The following MDN1 variants were observed in gnomAD, a reference collection of about 807,000 sequenced individuals.
MDN1 encodes midasin AAA ATPase 1, also known as midasin.
In MDN1, 266 loss-of-function variants were observed where a neutral mutation model predicts 669.2. The ratio of observed to expected loss-of-function variants is 0.40; its 90% CI spans 0.36 to 0.44. The LOEUF is 0.44. Ranked by LOEUF, MDN1 falls within the 20% of genes least tolerant of loss-of-function variation. The pLI is 1.00. For synonymous variants in MDN1, 2,385 were observed against 2,457.1 expected, an observed-to-expected ratio of 0.97 and a Z score of 0.87; for missense variants, 5,940 against 6,754.0, an observed-to-expected ratio of 0.88 and a Z score of 4.22.
intron 79 of MDN1, 140 bp from the exon 80 acceptor site, chr6:89,673,602 T>C (rs1810982617): frequency 1.4e-6 from 1 of 704,950 alleles, no homozygotes; most frequent in Non-Finnish European, 2.4e-6. Context: ...TGCCACAAAG[T>C]GCTGTGCAGG....
At chr6:89,782,409 A>G (rs932832480) in intron 9 of MDN1, among the ~76,000 whole-genome samples, 1 of 151,978 alleles carries the variant, frequency 6.6e-6, no homozygotes, top group Non-Finnish European at 1.5e-5. Flanking sequence ...AAGCCTGGGC[A>G]ACACGGTGAA....
In MDN1 at chr6:89,745,580, A is replaced by C; in HGVS notation, c.3951T>G (p.Asp1317Glu). 1 of 1,614,174 alleles carries C rather than the reference A, an allele frequency of 6.2e-7. No homozygotes were observed. The highest frequency in any genetic ancestry group is 8.5e-7 in the Non-Finnish European group (1 of 1,180,030). ...GTTTCTCAAGGACTTCTTGAATCAC[A>C]TCAATTTCCTCCTGCTTCCTGACTC... ...AGRVRKQEEI[D>E]VIQEVLEKHF... The change falls in exon 28 of 102, where the codon GAT (aspartate) becomes GAG (glutamate). Residue 1317 changes from aspartate (D) to glutamate (E), a missense_variant. Physicochemically the swap from Asp to Glu is conservative, Grantham distance 45. Coordinates refer to ENST00000369393, the MANE Select transcript of MDN1 (RefSeq NM_014611.3).
At chr6:89,675,603 C>A in intron 77 of MDN1, 24 bp from the exon 78 acceptor site, 1 of 1,594,918 alleles carries the variant, frequency 6.3e-7, no homozygotes, top group Non-Finnish European at 8.6e-7. Context: ...GAAAAACATG[C>A]TGAAGGGGCT....
chr6:89,764,890 G>T (rs985456564), intron 15 of MDN1, among the ~76,000 whole-genome samples: 1 of 152,192 alleles, frequency 6.6e-6, no homozygotes, highest in Non-Finnish European at 1.5e-5. Flanking sequence ...GGACTGAGAA[G>T]TTCAGTGGAG....
chr6:89,693,281 T>G (rs569863227), intron 62 of MDN1, 133 bp from the exon 63 acceptor site: 3 of 640,854 alleles, frequency 4.7e-6, no homozygotes. Context: ...ATCATCTCAG[T>G]TGTGATAATA....
intron 95 of MDN1, among the ~76,000 whole-genome samples, chr6:89,651,169 CAG>C (rs1380225536): frequency 6.9e-6 from 1 of 144,678 alleles, no homozygotes; most frequent in Non-Finnish European, 1.5e-5. Flanking sequence ...AAAAAAAATA[CAG>C]AAAATTAGCT....
At chr6:89,658,421 A>G (rs766596713) in intron 89 of MDN1, 51 bp from the exon 90 acceptor site, 2 of 1,609,256 alleles carry the variant, frequency 1.2e-6, no homozygotes, top group South Asian at 2.2e-5. Context: ...GGAACAGCAT[A>G]AGGTGGGAGA....
chr6:89,754,563 C>G (rs1265708837), intron 20 of MDN1, among the ~76,000 whole-genome samples: 1 of 152,182 alleles, frequency 6.6e-6, no homozygotes, highest in Admixed American at 6.5e-5. Context: ...AAAGAAAGTT[C>G]CTATGCAATC....
intron 65 of MDN1, 31 bp from the exon 66 acceptor site, chr6:89,688,839 G>T (rs1812193582): frequency 1.3e-6 from 2 of 1,562,686 alleles, no homozygotes; most frequent in Middle Eastern, 1.7e-4. Context: ...TAAAGTCAGT[G>T]AATTCAGTAA....
intron 13 of MDN1, among the ~76,000 whole-genome samples, chr6:89,774,079 T>C (rs1818239348): frequency 6.6e-6 from 1 of 152,134 alleles, no homozygotes; most frequent in Non-Finnish European, 1.5e-5. Flanking sequence ...AAACCTTGAT[T>C]TTACACTTCC....
intron 93 of MDN1, 58 bp from the exon 94 acceptor site, chr6:89,653,213 C>T (rs1809003046): frequency 1.3e-6 from 2 of 1,504,446 alleles, no homozygotes; most frequent in Non-Finnish European, 1.8e-6. Flanking sequence ...ACTGACCAAG[C>T]CTTTGCTATT....
At chr6:89,745,147 A>G (rs965921596) in intron 29 of MDN1, 126 bp downstream of exon 29, 89 of 1,002,746 alleles carry the variant, frequency 8.9e-5, no homozygotes, top group African/African-American at 2.8e-4. Context: ...AAAAAAAAAA[A>G]AAAAAGAAAA....
In MDN1 at chr6:89,680,645, G is replaced by A. The variant is rs1433289462; in HGVS notation, c.12209C>T (p.Thr4070Met). 5.0e-6 allele frequency: 8 copies of A among 1,614,018 alleles called. No individual in the cohort carries two copies. The highest frequency in any genetic ancestry group is 3.3e-5 in the South Asian group (3 of 91,074). The change falls in exon 74 of 102, where the codon ACG (threonine) becomes ATG (methionine). Residue 4070 changes from threonine to methionine, a missense_variant. Transcript: ENST00000369393. Reference sequence around the variant, plus strand: ...AGGCAGGGGGCTCTCCTTCATGAACGTCAGGCACATCTTCCTCATGCGTTT... The same window carrying A: ...AGGCAGGGGGCTCTCCTTCATGAACATCAGGCACATCTTCCTCATGCGTTT... ...LRKRMRKMCL[T>M]FMKESPLPRL...
chr6:89,672,109 G>T, intron 82 of MDN1, 91 bp downstream of exon 82: 1 of 1,351,714 alleles, frequency 7.4e-7, no homozygotes, highest in Non-Finnish European at 9.8e-7. Context: ...GCCTGCTCTG[G>T]CACTTATCTA....
intron 5 of MDN1, 111 bp from the exon 6 acceptor site, chr6:89,790,512 TTAG>T: frequency 2.3e-6 from 3 of 1,304,160 alleles, no homozygotes; most frequent in Non-Finnish European, 3.2e-6. Flanking sequence ...TGTAAGTAAA[TTAG>T]TAGTACCAAA....
intron 1 of MDN1, among the ~76,000 whole-genome samples, chr6:89,817,497 G>T (rs576982376): frequency 6.6e-6 from 1 of 152,246 alleles, no homozygotes; most frequent in African/African-American, 2.4e-5. Context: ...AGAGGAAGAG[G>T]AAAGGGTAAA....
In MDN1 at chr6:89,688,044, C is replaced by T. The variant is rs372019519; in HGVS notation, c.11355+34G>A. On this transcript the variant is annotated intron_variant, in intron 67 of 101. Coordinates refer to ENST00000369393, the MANE Select transcript of MDN1 (RefSeq NM_014611.3). Reference sequence around the variant, plus strand: ...AGACGTATCTTTTGCCAACTGACCACCAACTAAAATGAGGAAGAGAGGTAT... The same window carrying T: ...AGACGTATCTTTTGCCAACTGACCATCAACTAAAATGAGGAAGAGAGGTAT... 1.2e-5 allele frequency: 18 copies of T among 1,560,220 alleles called. No homozygotes were observed. The African/African-American group carries it at 2.3e-4, about 20-fold the overall frequency.
intron 3 of MDN1, 54 bp downstream of exon 3, chr6:89,794,523 A>G (rs1819466703): frequency 6.6e-7 from 1 of 1,515,930 alleles, no homozygotes; most frequent in African/African-American, 1.4e-5. Flanking sequence ...AACTCCACAC[A>G]TGCCCTGTAC....
intron 95 of MDN1, 94 bp downstream of exon 95, chr6:89,652,098 G>GTT: frequency 1.1e-6 from 1 of 914,550 alleles, no homozygotes; most frequent in East Asian, 2.4e-5. Flanking sequence ...TTTTGTTAAG[G>GTT]TAATTGCTAA....
Sources: allele counts gnomAD v4.1 joint callset (sites outside exome capture counted in the v4.1 genomes callset), GRCh38; gene constraint gnomAD v4.1.1; transcripts MANE v1.5; gene names NCBI Gene and HGNC (gene_info 2026-07-23, HGNC 2026-07-21).